Variants in BTD observed in about 807,000 individuals in gnomAD.
BTD encodes the protein biotinidase.
A neutral mutation model predicts 17.7 loss-of-function variants in BTD; 13 were observed. The observed-to-expected ratio is 0.74, with a 90% CI of 0.48 to 1.17. The LOEUF (loss-of-function observed/expected upper bound fraction) is 1.17. Among genes scored for constraint, BTD ranks in the 50% most tolerant of loss-of-function variants. The pLI, the probability that BTD is intolerant of heterozygous loss-of-function variation, is 0.00. For missense variants in BTD, 674 were observed against 650.4 expected (o/e 1.04, Z -0.39); for synonymous variants, 240 against 245.2 (o/e 0.98, Z 0.20).
chr3:15,686,426 T>C (rs577173519), intron 3 of BTD: 2 of 788,142 alleles, frequency 2.5e-6, no homozygotes, highest in East Asian at 2.7e-5. Flanking sequence ...GAATTTAATA[T>C]GCAAGAATGA....
rs397514346 is a variant in BTD, at chr3:15,635,624, CCTTGGAGCT to C, written c.187_195del (p.Leu63_Leu65del). 1.2e-6 allele frequency: 2 copies of C among 1,614,096 alleles called. No individual in the cohort carries two copies. Among genetic ancestry groups the C allele is most frequent in the Non-Finnish European group, 1.7e-6 (2 of 1,180,054 alleles). On this transcript the variant is annotated inframe_deletion, in exon 2 of 4. Coordinates refer to ENST00000643237, the MANE Select transcript of BTD (RefSeq NM_001370658.1). This position sits in a 1 kb window ranked among gnomAD's most constrained non-coding sequence, Gnocchi z 4.1. ...CTGGCTCTCATCAGCCGCCAAGAGG[CCTTGGAGCT>C]CATGAACCAGAACCTTGACATCTAT...
downstream of BTD, among the ~76,000 whole-genome samples, chr3:15,655,135 T>G (rs371787657): frequency 6.6e-6 from 1 of 152,196 alleles, no homozygotes; most frequent in Non-Finnish European, 1.5e-5. Context: ...AACACGCACA[T>G]CTTCAAAGAA....
intron 4 of BTD, among the ~76,000 whole-genome samples, chr3:15,720,026 T>C (rs2073529292): frequency 6.6e-6 from 1 of 152,084 alleles, no homozygotes; most frequent in African/African-American, 2.4e-5. Flanking sequence ...TGAGCCACCA[T>C]GCCAAGCTCA....
chr3:15,721,076 T>C (rs1375317491), intron 4 of BTD: 7 of 1,613,796 alleles, frequency 4.3e-6, no homozygotes, highest in Middle Eastern at 1.7e-4. Context: ...TCTTGTCCAT[T>C]ATAGCAGGCT....
intron 3 of BTD, chr3:15,676,720 A>G: frequency 3.1e-6 from 1 of 325,274 alleles, no homozygotes; most frequent in Admixed American, 4.5e-5. Context: ...TCCTTCAGAA[A>G]ATTAGGTAGG....
rs2066024516 is a variant in BTD at position 15,667,255 on chromosome 3, T to G, written c.399+25198T>G. The stretch of plus-strand genomic sequence containing the variant: ...ACTTGATTTATTGCATTAAAAAACT[T>G]TATTTCTTTTAAAAGGTCCAATATA... On this transcript the variant is annotated intron_variant, in intron 3 of 3. Coordinates refer to the BTD transcript ENST00000672141. The G allele has an allele frequency of 2.6e-5, 4 of 152,314 alleles. 1 individual carries two copies. In the Middle Eastern group the frequency reaches 0.01, roughly 389 times the overall value. 9.4% of individuals were successfully genotyped at this position (152,314 alleles called of 1,614,324 possible).
intron 3 of BTD, among the ~76,000 whole-genome samples, chr3:15,674,825 G>C (rs371378864): frequency 6.6e-6 from 1 of 152,188 alleles, no homozygotes; most frequent in East Asian, 1.9e-4. Context: ...CAAAGGAAAC[G>C]ATCAGTTGTG....
chr3:15,662,246 G>T (rs916484211), intron 3 of BTD, among the ~76,000 whole-genome samples: 3 of 152,156 alleles, frequency 2.0e-5, no homozygotes, highest in African/African-American at 7.2e-5. Flanking sequence ...TTTTATTCAT[G>T]AACGGACTAT....
intron 3 of BTD, among the ~76,000 whole-genome samples, chr3:15,643,959 T>G (rs2470528): frequency 0.037 from 5,084 of 138,830 alleles, 143 homozygotes; most frequent in Non-Finnish European, 0.056. Flanking sequence ...TTTTAAAAAC[T>G]CATTTATTTA....
chr3:15,693,390 A>T (rs544043226), intron 3 of BTD, among the ~76,000 whole-genome samples: 1 of 144,162 alleles, frequency 6.9e-6, no homozygotes, highest in East Asian at 2.0e-4. Flanking sequence ...GTTAACTTGC[A>T]AGCACAAAAA....
At position 15,710,036 on chromosome 3, in the gene BTD, G is replaced by GTTTT. The variant is rs34686530; in HGVS notation, c.400-14_400-11dup. 4.0e-3 allele frequency among the ~76,000 whole-genome samples: 585 copies of GTTTT among 146,358 alleles called. 2 individuals are homozygous for GTTTT. The highest frequency in any genetic ancestry group is 0.023 in the East Asian group (113 of 5,016). On this transcript the variant is annotated intron_variant, in intron 3 of 3. Transcript: ENST00000672141. ...GCTTTAGGAAACAACTTGCTTATAGGTTTTTTTTTTTTTCTTGAAACAGAG... is the reference window on the plus strand; with the variant it reads ...GCTTTAGGAAACAACTTGCTTATAGGTTTTTTTTTTTTTTTTTCTTGAAACAGAG...
At chr3:15,608,075 A>G (rs919534497) in intron 1 of BTD, among the ~76,000 whole-genome samples, 5 of 152,354 alleles carry the variant, frequency 3.3e-5, no homozygotes, top group Non-Finnish European at 7.3e-5. Flanking sequence ...GCTTGATAAT[A>G]AAAACTCCCA....
chr3:15,675,894 T>C, intron 3 of BTD: 1 of 1,604,114 alleles, frequency 6.2e-7, no homozygotes, highest in Non-Finnish European at 8.5e-7. Flanking sequence ...TAGAACCAAC[T>C]TACCATTTTC....
chr3:15,680,753 C>T (rs2067455648), intron 3 of BTD, among the ~76,000 whole-genome samples: 1 of 151,130 alleles, frequency 6.6e-6, no homozygotes, highest in Non-Finnish European at 1.5e-5. Context: ...GCAGTCTCAA[C>T]CTCCTGGGCT....
At chr3:15,629,679 C>G (rs2065155454) in intron 1 of BTD, among the ~76,000 whole-genome samples, 1 of 152,166 alleles carries the variant, frequency 6.6e-6, no homozygotes. Flanking sequence ...CACGTGCCAC[C>G]ATGCCCGGCA....
chr3:15,610,711 A>G (rs753275440), intron 1 of BTD, among the ~76,000 whole-genome samples: 9 of 152,164 alleles, frequency 5.9e-5, no homozygotes, highest in Non-Finnish European at 1.3e-4. Context: ...TAGTCCCTGG[A>G]CTTCATTCTT....
chr3:15,713,460 G>C, downstream of BTD: 2 of 1,223,258 alleles, frequency 1.6e-6, no homozygotes, highest in Non-Finnish European at 1.2e-6. Context: ...GAAATGTCTA[G>C]AAAACTGCAG....
At chr3:15,707,910 C>A (rs1324140292) in intron 3 of BTD, 1 of 1,610,828 alleles carries the variant, frequency 6.2e-7, no homozygotes, top group Non-Finnish European at 8.5e-7. Context: ...CACTCTCACT[C>A]CTATGGTACT....
rs1175310571 is a variant in BTD at position 15,675,851 on chromosome 3, A to C, written c.399+33794A>C. ...TTATTTCTCTTCAAATATGGATCAA[A>C]AGATAAAAGCTCTAGGTTAAGGGAA... On this transcript the variant is annotated intron_variant, in intron 3 of 3. Coordinates refer to the BTD transcript ENST00000672141. 2.1e-6 allele frequency: 3 copies of C among 1,434,270 alleles called. No individual in the cohort carries two copies. In the East Asian group the frequency reaches 7.2e-5, roughly 34 times the overall value. 88.8% of individuals were successfully genotyped at this position (1,434,270 alleles called of 1,614,324 possible).
Sources: allele counts gnomAD v4.1 joint callset (sites outside exome capture counted in the v4.1 genomes callset), GRCh38; gene constraint gnomAD v4.1.1; non-coding constraint Gnocchi (gnomAD v3.1); transcripts MANE v1.5; gene names NCBI Gene and HGNC (gene_info 2026-07-23, HGNC 2026-07-21).